The following DBN1 variants were observed in gnomAD, a reference collection of about 807,000 sequenced individuals.
DBN1 encodes the protein drebrin.
Under a neutral mutation model 83.5 loss-of-function variants are expected in DBN1, and 21 were observed. The ratio of observed to expected loss-of-function variants is 0.25; its 90% CI spans 0.18 to 0.36. DBN1 has a LOEUF of 0.36. Among genes scored for constraint, DBN1 ranks in the 10% least tolerant of loss-of-function variants. The pLI is 1.00. For missense variants in DBN1, 874 were observed against 935.7 expected, an observed-to-expected ratio of 0.93 and a Z score of 0.86; for synonymous variants, 381 against 384.9, an observed-to-expected ratio of 0.99 and a Z score of 0.12.
chr5:177,457,386 TGCAG>T lies in DBN1; in HGVS notation c.*43_*46del, dbSNP rs745487195. ...GGCGGGCCGTCTGGCCAGAGGCTGA[TGCAG>T]GTGGGCGGCCTTGGCAAGGGTAGCC... is the stretch of plus-strand genomic sequence containing the variant. On this transcript the variant is annotated 3_prime_UTR_variant, in exon 15 of 15. Coordinates refer to ENST00000393565, the MANE Select transcript of DBN1 (RefSeq NM_001363541.2). 6.5e-7 allele frequency: 1 copy of T among 1,537,748 alleles called. No homozygotes were observed. The highest frequency in any genetic ancestry group is 2.2e-5 in the East Asian group (1 of 44,544).
Position 177,464,883 on chromosome 5 carries a change from A to ACG in DBN1, c.771+1888_771+1889insCG, listed in dbSNP as rs1757318975. ...TAAACCTGGGAGGCAGGCCGGGTGC[A>ACG]GTGGCTCACGCCTGTAATCCCAGCA... On this transcript the variant is annotated intron_variant, in intron 8 of 14. Transcript: ENST00000393565. 4.9e-5 allele frequency among the ~76,000 whole-genome samples: 7 copies of ACG among 143,892 alleles called. No homozygotes were observed. The South Asian group carries it at 6.7e-4, about 14-fold the overall frequency. The allele number at this position is 143,892 out of a possible 152,430, so 94.4% of individuals were successfully genotyped here.
chr5:177,458,180 C>T lies in DBN1; in HGVS notation c.1792G>A (p.Glu598Lys). 6.2e-7 allele frequency: 1 copy of T among 1,612,844 alleles called. No individual in the cohort carries two copies. Among genetic ancestry groups the T allele is most frequent in the Non-Finnish European group, 8.5e-7 (1 of 1,179,778 alleles). ...GGGGTCTGGGGGGCAGCCAGGGACTCCCCTTCCACTTCCTCTGGGTCACAG... is the reference window on the plus strand; with the variant it reads ...GGGGTCTGGGGGGCAGCCAGGGACTTCCCTTCCACTTCCTCTGGGTCACAG... ...TFCDPEEVEG[E>K]SLAAPQTPTL... Residue 598 changes from glutamate to lysine, a missense_variant, in exon 13 of 15, where the codon GAG (glutamate) becomes AAG (lysine). By Grantham distance (56) the Glu-to-Lys change is moderately conservative (BLOSUM62 1). Around this residue, in one of 4 missense-constraint regions of DBN1, gnomAD observed 725 missense variants for 719.7 expected, o/e 1.01. Transcript: ENST00000393565.
At chr5:177,461,028 C>G (rs1300781854) in intron 8 of DBN1, among the ~76,000 whole-genome samples, 1 of 151,782 alleles carries the variant, frequency 6.6e-6, no homozygotes, top group Non-Finnish European at 1.5e-5. Flanking sequence ...ATCCTCCTGC[C>G]TTGGCCTCCC....
intron 1 of DBN1, among the ~76,000 whole-genome samples, chr5:177,470,930 G>A (rs1757800279): frequency 6.6e-6 from 1 of 152,218 alleles, no homozygotes; most frequent in African/African-American, 2.4e-5. Context: ...AACTCCTGGA[G>A]ACAGACACTG....
At chr5:177,470,583 G>A (rs1053689052) in intron 1 of DBN1, among the ~76,000 whole-genome samples, 3 of 152,170 alleles carry the variant, frequency 2.0e-5, no homozygotes, top group South Asian at 4.1e-4. Flanking sequence ...CACACTGGAC[G>A]GCTCCCTGAC....
rs370653316 is a variant in DBN1 at position 177,472,244 on chromosome 5, G to A, written c.86+1192C>T. 1.4e-5 allele frequency: 23 copies of A among 1,612,772 alleles called. No homozygotes were observed. The African/African-American group carries it at 2.1e-4, about 15-fold the overall frequency. The stretch of plus-strand genomic sequence containing the variant: ...CTCCTCCAGAAGCCCCCAGGTCAGA[G>A]TCCCCACCTGGCTGCCCTCCCAGTG... On this transcript the variant is annotated intron_variant, in intron 1 of 14. Coordinates refer to ENST00000393565, the MANE Select transcript of DBN1 (RefSeq NM_001363541.2).
At position 177,467,422 on chromosome 5, in the gene DBN1, G is replaced by C; in HGVS notation, c.477+59C>G. 1 of 1,611,922 alleles carries C rather than the reference G, an allele frequency of 6.2e-7. No homozygotes were observed. Among genetic ancestry groups the C allele is most frequent in the Non-Finnish European group, 8.5e-7 (1 of 1,178,482 alleles). ...GTGAGAGCTAAGAGGGACCGGGCAG[G>C]CCAGACTCGGGCACCAGGCCACGCA... On this transcript the variant is annotated intron_variant, in intron 5 of 14. Coordinates refer to ENST00000393565, the MANE Select transcript of DBN1 (RefSeq NM_001363541.2). The surrounding 1 kb of genome is among the most constrained non-coding windows in gnomAD (Gnocchi z 9.1).
At chr5:177,472,715 T>C (rs765119577) in intron 1 of DBN1, 69 of 880,626 alleles carry the variant, frequency 7.8e-5, no homozygotes, top group Non-Finnish European at 9.2e-5. Flanking sequence ...GGCAGCTCGG[T>C]GCCCCCCAGC....
chr5:177,470,430 C>T (rs1757760032), intron 1 of DBN1, among the ~76,000 whole-genome samples: 1 of 152,118 alleles, frequency 6.6e-6, no homozygotes. Context: ...GGGGTGCCTT[C>T]CATCCTCAGC....
rs1438072547 is a variant in DBN1 at position 177,461,475 on chromosome 5, G to A, written c.772-772C>T. 2.0e-5 allele frequency among the ~76,000 whole-genome samples: 3 copies of A among 152,152 alleles called. No individual in the cohort carries two copies. The South Asian group carries it at 6.2e-4, about 32-fold the overall frequency. On this transcript the variant is annotated intron_variant, in intron 8 of 14. Transcript: ENST00000393565. ...GTTTCAGAGGTGGTACCTCTGCCCC[G>A]TCAAACCCTGTCACACAGCCCCTCT...
chr5:177,463,530 G>A (rs1189700853), intron 8 of DBN1, among the ~76,000 whole-genome samples: 1 of 152,188 alleles, frequency 6.6e-6, no homozygotes, highest in Non-Finnish European at 1.5e-5. Context: ...ATTCGTAACA[G>A]GGGAGAGAAA....
intron 8 of DBN1, chr5:177,462,135 G>A (rs1057038201): frequency 5.7e-5 from 47 of 822,538 alleles, no homozygotes; most frequent in Admixed American, 6.2e-5. Context: ...GGTGGGCAGC[G>A]CCCGCACTTG....
rs1757511409 is a variant in DBN1 at position 177,467,248 on chromosome 5, T to TCCATA, written c.555+2_555+6dup. The TCCATA allele has an allele frequency of 6.2e-7, 1 of 1,613,890 alleles. No individual in the cohort carries two copies. The highest frequency in any genetic ancestry group is 8.5e-7 in the Non-Finnish European group (1 of 1,179,972). ...GGCTCAGCCAGGCCGGGCTCAGGGT[T>TCCATA]CCATACCTTGGCCTGCTCCCAGAAC... is the stretch of plus-strand genomic sequence containing the variant. On this transcript the variant is annotated splice_region_variant and intron_variant, in intron 6 of 14. Coordinates refer to ENST00000393565, the MANE Select transcript of DBN1 (RefSeq NM_001363541.2). This position sits in a 1 kb window ranked among gnomAD's most constrained non-coding sequence, Gnocchi z 9.1.
chr5:177,465,540 C>A (rs1286401262), intron 8 of DBN1, among the ~76,000 whole-genome samples: 2 of 152,168 alleles, frequency 1.3e-5, no homozygotes, highest in African/African-American at 4.8e-5. Flanking sequence ...TGAAATGGTA[C>A]ATTTTATGTA....
At position 177,466,812 on chromosome 5, in the gene DBN1, G is replaced by A. The variant is rs376817792; in HGVS notation, c.731C>T (p.Ala244Val). 11 of 1,614,002 alleles carry A rather than the reference G, an allele frequency of 6.8e-6. No individual in the cohort carries two copies. The highest frequency in any genetic ancestry group is 6.7e-5 in the African/African-American group (5 of 74,908). ...EHRRKQQTLE[A>V]EEAKRRLKEQ... ...CTTCAACCGCCTCTTGGCCTCTTCCGCTTCTAAAGTCTGCTGTTTCCTCCT... is the reference window on the plus strand; with the variant it reads ...CTTCAACCGCCTCTTGGCCTCTTCCACTTCTAAAGTCTGCTGTTTCCTCCT... The change falls in exon 8 of 15, where the codon GCG becomes GTG. Residue 244 changes from alanine to valine, a missense_variant. Physicochemically the swap from Ala to Val is moderately conservative, Grantham distance 64 (BLOSUM62 0). Transcript: ENST00000393565. The surrounding 1 kb of genome is among the most constrained non-coding windows in gnomAD (Gnocchi z 4.8).
intron 1 of DBN1, among the ~76,000 whole-genome samples, 178 bp from the exon 2 acceptor site, chr5:177,469,077 C>T (rs899422086): frequency 6.6e-6 from 1 of 152,006 alleles, no homozygotes; most frequent in African/African-American, 2.4e-5. Context: ...CAGCAGGGTA[C>T]TGCTGGAGGC....
At position 177,459,086 on chromosome 5, in the gene DBN1, T is replaced by A; in HGVS notation, c.1264+12A>T. 1 of 1,594,332 alleles carries A rather than the reference T, an allele frequency of 6.3e-7. No homozygotes were observed. The highest frequency in any genetic ancestry group is 8.5e-7 in the Non-Finnish European group (1 of 1,171,418). On this transcript the variant is annotated intron_variant, in intron 12 of 14. Transcript: ENST00000393565. The stretch of plus-strand genomic sequence containing the variant: ...GATGGGAGGCCTGGTGCAGGTAGCA[T>A]CCCTCTCTCACCTTGGGCTGGTGGG...
intron 1 of DBN1, among the ~76,000 whole-genome samples, chr5:177,469,210 C>G (rs1428243358): frequency 6.6e-6 from 1 of 152,126 alleles, no homozygotes; most frequent in African/African-American, 2.4e-5. Flanking sequence ...GATGGAGATT[C>G]CAAGGCGACG....
Position 177,459,543 on chromosome 5 carries a change from G to A in DBN1, c.1093+60C>T. ...TCAGACTGGGGGAGTGAGGGCGGGG[G>A]GCTGCTGGGAAGCGGGGCCCTCCTT... is the stretch of plus-strand genomic sequence containing the variant. On this transcript the variant is annotated intron_variant, in intron 11 of 14. Transcript: ENST00000393565. 5 of 1,442,912 alleles carry A rather than the reference G, an allele frequency of 3.5e-6. No individual in the cohort carries two copies. The South Asian group carries it at 5.7e-5, about 16-fold the overall frequency. 89.4% of individuals were successfully genotyped at this position (1,442,912 alleles called of 1,614,324 possible).
Sources: gnomAD v4.1 joint callset for allele counts (sites outside exome capture counted in the v4.1 genomes callset) on GRCh38, gnomAD v4.1.1 for gene constraint, gnomAD v4.1.1 regional missense constraint, Gnocchi (gnomAD v3.1) non-coding constraint, MANE v1.5 for transcripts, NCBI Gene and HGNC (gene_info 2026-07-23, HGNC 2026-07-21) for gene names.